GPHN: variants seen among roughly 807,000 people sequenced by gnomAD.
GPHN encodes gephyrin.
Under a neutral mutation model 95.5 loss-of-function variants are expected in GPHN, and 17 were observed. The ratio of observed to expected loss-of-function variants is 0.18; its 90% CI spans 0.12 to 0.27. GPHN has a LOEUF of 0.27. GPHN is among the 10% of genes least tolerant of loss of function. The pLI is 1.00. For synonymous variants in GPHN, 320 were observed against 322.5 expected (o/e 0.99, Z 0.08); for missense variants, 660 against 978.1 (o/e 0.67, Z 4.34).
rs550495574 is a variant in GPHN, at chr14:66,763,708, C to T, written c.144-12756C>T. On this transcript the variant is annotated intron_variant, in intron 2 of 22. Transcript: ENST00000478722. ...TGAGTAATCTAGAGATGATTTCAAGCAGGGTTCCCCAAACCCTGGGCCATT... is the reference window on the plus strand; with the variant it reads ...TGAGTAATCTAGAGATGATTTCAAGTAGGGTTCCCCAAACCCTGGGCCATT... Among the ~76,000 whole-genome samples, 3 of 152,108 alleles carry T rather than the reference C, an allele frequency of 2.0e-5. No homozygotes were observed. The East Asian group carries it at 5.8e-4, about 29-fold the overall frequency.
At chr14:67,166,718 G>A (rs1314698286) in intron 20 of GPHN, among the ~76,000 whole-genome samples, 1 of 152,156 alleles carries the variant, frequency 6.6e-6, no homozygotes, top group Non-Finnish European at 1.5e-5. Flanking sequence ...CGCCCAGGCT[G>A]GAGTGCAGCA....
intron 5 of GPHN, among the ~76,000 whole-genome samples, chr14:66,910,197 A>G (rs1247324300): frequency 1.1e-4 from 16 of 151,998 alleles, no homozygotes; most frequent in Admixed American, 1.0e-3. Flanking sequence ...CAGTACATAT[A>G]TGAACACTAA....
At chr14:66,686,414 C>G (rs913853636) in intron 2 of GPHN, among the ~76,000 whole-genome samples, 3 of 152,150 alleles carry the variant, frequency 2.0e-5, no homozygotes, top group African/African-American at 7.2e-5. Flanking sequence ...TTTATGTTCT[C>G]TTTTATTTTG....
intron 9 of GPHN, among the ~76,000 whole-genome samples, chr14:66,994,854 A>G: frequency 6.6e-6 from 1 of 152,234 alleles, no homozygotes; most frequent in Non-Finnish European, 1.5e-5. Context: ...TTTTAGCACA[A>G]ATCTTTGTGA....
At chr14:66,860,968 AGAAG>A (rs1437809346) in intron 4 of GPHN, among the ~76,000 whole-genome samples, 1 of 152,088 alleles carries the variant, frequency 6.6e-6, no homozygotes, top group Non-Finnish European at 1.5e-5. Context: ...AAGGAAGAAA[AGAAG>A]GAAGAGAAGA....
chr14:66,939,374 A>G (rs577847022), intron 8 of GPHN, among the ~76,000 whole-genome samples: 278 of 152,102 alleles, frequency 1.8e-3, no homozygotes, highest in Non-Finnish European at 2.9e-3. Context: ...ATTGTTGTAG[A>G]AAAAAAACAG....
intron 4 of GPHN, among the ~76,000 whole-genome samples, chr14:66,849,510 A>G (rs1045167742): frequency 1.3e-5 from 2 of 152,010 alleles, no homozygotes; most frequent in Non-Finnish European, 2.9e-5. Context: ...AGTTTATGAG[A>G]CTGTATTTCC....
intron 1 of GPHN, among the ~76,000 whole-genome samples, chr14:66,674,941 G>A (rs1487426854): frequency 6.6e-6 from 1 of 152,114 alleles, no homozygotes; most frequent in Non-Finnish European, 1.5e-5. Context: ...CACAAACAGT[G>A]CATAAGTTCC....
At chr14:66,961,945 TATAC>T (rs1413543759) in intron 8 of GPHN, among the ~76,000 whole-genome samples, 37 of 79,078 alleles carry the variant, frequency 4.7e-4, no homozygotes, top group Middle Eastern at 6.0e-3. Flanking sequence ...TATATATATA[TATAC>T]ACATATCTCC....
chr14:67,302,069 G>A, the GPHN span: 2 of 1,609,054 alleles, frequency 1.2e-6, no homozygotes, highest in East Asian at 4.5e-5. Context: ...CAGTATGGAG[G>A]AGAAACTGTA....
chr14:67,561,774 G>T, the GPHN span, among the ~76,000 whole-genome samples: 7 of 151,846 alleles, frequency 4.6e-5, no homozygotes, highest in Non-Finnish European at 1.0e-4. Context: ...GGAGGCTGAG[G>T]TGGGAGGATC....
rs1480523351 is a variant in GPHN, at chr14:66,928,400, AT to A, written c.828+4111del. ...TCCTTTTTCATCTCTGATTTTATTT[AT>A]TTGGGTATTCTCTCTTTTCTTCTTT... On this transcript the variant is annotated intron_variant, in intron 8 of 22. Transcript: ENST00000478722. Among the ~76,000 whole-genome samples, 4 of 152,000 alleles carry A rather than the reference AT, an allele frequency of 2.6e-5. No individual in the cohort carries two copies. In the East Asian group the frequency reaches 5.8e-4, roughly 22 times the overall value.
At chr14:67,624,802 G>A in the GPHN span, among the ~76,000 whole-genome samples, 39 of 152,318 alleles carry the variant, frequency 2.6e-4, no homozygotes, top group Non-Finnish European at 3.1e-4. Context: ...ATTAACCAAA[G>A]GCTTGCAGCA....
intron 1 of GPHN, among the ~76,000 whole-genome samples, chr14:66,620,162 G>T (rs753685298): frequency 5.9e-5 from 9 of 152,100 alleles, no homozygotes; most frequent in Non-Finnish European, 1.2e-4. Context: ...AAAAGTGAAG[G>T]TTATCCTGAC....
At chr14:66,829,419 T>G (rs2061501537) in intron 4 of GPHN, among the ~76,000 whole-genome samples, 1 of 152,046 alleles carries the variant, frequency 6.6e-6, no homozygotes, top group Non-Finnish European at 1.5e-5. Context: ...CGATAAAGGT[T>G]GGATAATTCA....
At chr14:66,561,769 CA>C (rs2060258179) in intron 1 of GPHN, among the ~76,000 whole-genome samples, 1 of 152,028 alleles carries the variant, frequency 6.6e-6, no homozygotes, top group Admixed American at 6.6e-5. Context: ...GTGCCTTAAG[CA>C]ATAAAAATTT....
At chr14:67,061,037 T>C (rs2075805752) in intron 11 of GPHN, among the ~76,000 whole-genome samples, 1 of 152,164 alleles carries the variant, frequency 6.6e-6, no homozygotes, top group Admixed American at 6.5e-5. Context: ...TTAGGTGTTT[T>C]TTTTCTTTTT....
the GPHN span, among the ~76,000 whole-genome samples, chr14:67,306,857 C>A: frequency 2.0e-5 from 3 of 152,100 alleles, no homozygotes; most frequent in African/African-American, 7.2e-5. Context: ...AATTAATAAT[C>A]TAAAGAAATT....
chr14:67,549,482 G>A, the GPHN span, among the ~76,000 whole-genome samples: 2 of 152,104 alleles, frequency 1.3e-5, no homozygotes, highest in African/African-American at 2.4e-5. Flanking sequence ...TGTTGGCCAG[G>A]CTGGTCTTGA....
Sources: gnomAD v4.1 joint callset for allele counts (sites outside exome capture counted in the v4.1 genomes callset) on GRCh38, gnomAD v4.1.1 for gene constraint, MANE v1.5 for transcripts, NCBI Gene and HGNC (gene_info 2026-07-23, HGNC 2026-07-21) for gene names.